Variants in KPNA5 observed in about 807,000 individuals in gnomAD.
The protein encoded by KPNA5 is karyopherin subunit alpha 5.
In KPNA5, 46 loss-of-function variants were observed where a neutral mutation model predicts 71.3. That is an observed-to-expected ratio of 0.65 (90% confidence interval 0.51 to 0.83). KPNA5 has a LOEUF of 0.83. Among genes scored for constraint, KPNA5 ranks in the 40% least tolerant of loss-of-function variants. The probability of loss-of-function intolerance (pLI) is 0.00; values close to 1 mark genes in which losing one functional copy is unlikely to be tolerated. For missense variants in KPNA5, 547 were observed against 628.3 expected, an observed-to-expected ratio of 0.87 and a Z score of 1.38; for synonymous variants, 207 against 201.4, an observed-to-expected ratio of 1.03 and a Z score of -0.24.
chr6:116,705,660 C>T (rs73557572), intron 7 of KPNA5, among the ~76,000 whole-genome samples: 8,318 of 151,318 alleles, frequency 0.055, 320 homozygotes, highest in Admixed American at 0.15. Flanking sequence ...AATGTAAGGT[C>T]CTTTATAGAA....
At chr6:116,708,266 T>TA (rs1340922138) in intron 7 of KPNA5, among the ~76,000 whole-genome samples, 1 of 152,202 alleles carries the variant, frequency 6.6e-6, no homozygotes, top group African/African-American at 2.4e-5. Flanking sequence ...GGTATGTAAA[T>TA]ACGTAGGAGT....
chr6:116,725,370 T>C (rs761222265), intron 10 of KPNA5, among the ~76,000 whole-genome samples: 19 of 152,336 alleles, frequency 1.2e-4, no homozygotes, highest in East Asian at 3.9e-4. Context: ...GGTTGTAGAA[T>C]TGGATTTTCT....
At chr6:116,718,860 C>T (rs1164110124) in intron 8 of KPNA5, among the ~76,000 whole-genome samples, 3 of 151,332 alleles carry the variant, frequency 2.0e-5, no homozygotes, top group Non-Finnish European at 2.9e-5. Context: ...CTCTGCCTCC[C>T]GGGTTCAAGC....
At position 116,739,669 on chromosome 6, in the gene KPNA5, A is replaced by T. The variant is rs71570818; in HGVS notation, c.*7346A>T. The T allele has an allele frequency of 6.6e-6, 1 of 152,238 alleles. No homozygotes were observed. Among genetic ancestry groups the T allele is most frequent in the African/African-American group, 2.4e-5 (1 of 41,454 alleles). 9.4% of individuals were successfully genotyped at this position (152,238 alleles called of 1,614,324 possible). The stretch of plus-strand genomic sequence containing the variant: ...AACAGATATAGATCAATGGAACAGA[A>T]CAGAGCCATCAGAAATAATGCCGCA... On this transcript the variant is annotated 3_prime_UTR_variant, in exon 14 of 14. Coordinates refer to ENST00000368564, the MANE Select transcript of KPNA5 (RefSeq NM_001366306.2).
Position 116,722,272 on chromosome 6 carries a change from A to G in KPNA5, c.903A>G (p.Arg301=). The change falls in exon 9 of 14, where the codon AGA becomes AGG. Residue 301 remains arginine (R), a synonymous_variant. Coordinates refer to ENST00000368564, the MANE Select transcript of KPNA5 (RefSeq NM_001366306.2). The part of the protein sequence containing the change: ...QAVIDSGVCR[R]LVELLMHNDY... ...TCATTGATTCTGGAGTCTGTCGAAG[A>G]TTGGTGGAACTTTTGATGTAACTAT... The G allele has an allele frequency of 6.2e-7, 1 of 1,608,048 alleles. No homozygotes were observed. The highest frequency in any genetic ancestry group is 8.5e-7 in the Non-Finnish European group (1 of 1,177,638).
At position 116,685,112 on chromosome 6, in the gene KPNA5, CA is replaced by C. The variant is rs201064267; in HGVS notation, c.4+3779del. On this transcript the variant is annotated intron_variant, in intron 1 of 13. Coordinates refer to ENST00000368564, the MANE Select transcript of KPNA5 (RefSeq NM_001366306.2). ...CTGTAGCACATTTATTCATAACCTC[CA>C]AAAACTAGAAACCACCCAGATGTTC... Among the ~76,000 whole-genome samples the C allele has an allele frequency of 6.1e-3, 923 of 152,272 alleles. 32 individuals are homozygous for C. The highest frequency in any genetic ancestry group is 0.052 in the Admixed American group (790 of 15,288).
intron 1 of KPNA5, among the ~76,000 whole-genome samples, chr6:116,686,352 T>C (rs1311003557): frequency 6.6e-6 from 1 of 152,240 alleles, no homozygotes; most frequent in African/African-American, 2.4e-5. Flanking sequence ...GTATGTCCTT[T>C]GAAAAGTGTC....
At chr6:116,732,077 TATATATATATATATATATATA>T (rs1779509358) in intron 13 of KPNA5, 38 bp from the exon 14 acceptor site, 3,956 of 143,940 alleles carry the variant, frequency 0.027, 303 homozygotes, top group East Asian at 0.049. Flanking sequence ...AGTTTGTTTA[TATATATATATATATATATATA>T]TATATATATA....
intron 1 of KPNA5, among the ~76,000 whole-genome samples, chr6:116,687,698 C>T (rs1178763332): frequency 6.6e-6 from 1 of 152,122 alleles, no homozygotes; most frequent in East Asian, 1.9e-4. Flanking sequence ...ACCATGGAGT[C>T]ATCCTCAACT....
chr6:116,732,108 A>AACAGG, intron 13 of KPNA5, 28 bp from the exon 14 acceptor site: 1 of 166,352 alleles, frequency 6.0e-6, no homozygotes. Context: ...ATATATATAT[A>AACAGG]TATATATATA....
Position 116,739,442 on chromosome 6 carries a change from C to G in KPNA5, c.*7119C>G, listed in dbSNP as rs1779789829. On this transcript the variant is annotated 3_prime_UTR_variant, in exon 14 of 14. Transcript: ENST00000368564. The stretch of plus-strand genomic sequence containing the variant: ...TACTGCCCAAGGTAATTTATAGATT[C>G]AATGCCATCCCCATCAAGCTACCAA... 1 of 152,088 alleles carries G rather than the reference C, an allele frequency of 6.6e-6. No homozygotes were observed. Among genetic ancestry groups the G allele is most frequent in the Non-Finnish European group, 1.5e-5 (1 of 68,004 alleles). 9.4% of individuals were successfully genotyped at this position (152,088 alleles called of 1,614,324 possible). A position where few individuals can be genotyped will look rare whatever the true frequency, so the allele number is the denominator to read the frequency against.
At chr6:116,704,819 T>G (rs1182752339) in intron 6 of KPNA5, among the ~76,000 whole-genome samples, 1 of 152,154 alleles carries the variant, frequency 6.6e-6, no homozygotes, top group African/African-American at 2.4e-5. Flanking sequence ...TCAAGCGATC[T>G]GTCCACCTCA....
intron 7 of KPNA5, among the ~76,000 whole-genome samples, chr6:116,714,457 G>A (rs1470709335): frequency 1.3e-5 from 2 of 152,154 alleles, no homozygotes. Flanking sequence ...CTATGACTTA[G>A]CACTACTTTA....
chr6:116,708,351 T>G (rs1583424456), intron 7 of KPNA5, among the ~76,000 whole-genome samples: 1 of 152,218 alleles, frequency 6.6e-6, no homozygotes, highest in Non-Finnish European at 1.5e-5. Flanking sequence ...GCTGTACCAT[T>G]TTACATTGTC....
intron 2 of KPNA5, among the ~76,000 whole-genome samples, chr6:116,690,642 CAAAAAA>C (rs1283337605): frequency 1.6e-5 from 1 of 62,214 alleles, no homozygotes; most frequent in African/African-American, 5.3e-5. Context: ...GACTCCATCT[CAAAAAA>C]AAAAAAAAAA....
At chr6:116,709,884 C>G (rs952146860) in intron 7 of KPNA5, among the ~76,000 whole-genome samples, 1 of 151,998 alleles carries the variant, frequency 6.6e-6, no homozygotes, top group Non-Finnish European at 1.5e-5. Flanking sequence ...CCTCAGCCTC[C>G]CAGGTAGCTG....
At position 116,689,307 on chromosome 6, in the gene KPNA5, T is replaced by C; in HGVS notation, c.5-13T>C. ...AGTTATCAGTGTCTGTTTTCTTTTC[T>C]CCTTCCTTTAAGATGCCATGGCTAG... On this transcript the variant is annotated splice_polypyrimidine_tract_variant and intron_variant, in intron 1 of 13. Transcript: ENST00000368564. The C allele has an allele frequency of 1.9e-6, 3 of 1,596,642 alleles. No individual in the cohort carries two copies. The highest frequency in any genetic ancestry group is 2.3e-5 in the South Asian group (2 of 87,100).
intron 7 of KPNA5, among the ~76,000 whole-genome samples, chr6:116,714,925 G>T (rs555392791): frequency 1.3e-5 from 2 of 152,294 alleles, no homozygotes; most frequent in South Asian, 4.1e-4. Flanking sequence ...AACTCAGGCT[G>T]CTGTCTTAAA....
chr6:116,686,144 A>C (rs1299339791), intron 1 of KPNA5, among the ~76,000 whole-genome samples: 1 of 151,948 alleles, frequency 6.6e-6, no homozygotes, highest in Non-Finnish European at 1.5e-5. Context: ...AGCTCAAGCA[A>C]TCCTCCTGGC....
Sources: gnomAD v4.1 joint callset for allele counts (sites outside exome capture counted in the v4.1 genomes callset) on GRCh38, gnomAD v4.1.1 for gene constraint, MANE v1.5 for transcripts, NCBI Gene and HGNC (gene_info 2026-07-23, HGNC 2026-07-21) for gene names.